Variants in KANSL1 observed in about 807,000 individuals in gnomAD.
The protein encoded by KANSL1 is KAT8 regulatory NSL complex subunit 1.
A neutral mutation model predicts 103.6 loss-of-function variants in KANSL1; 22 were observed. The ratio of observed to expected loss-of-function variants is 0.21; its 90% CI spans 0.15 to 0.30. KANSL1 has a LOEUF of 0.30. Ranked by LOEUF, KANSL1 falls within the 10% of genes least tolerant of loss-of-function variation. KANSL1 has a pLI of 1.00. For missense variants in KANSL1, 1,337 were observed against 1,399.8 expected (o/e 0.96, Z 0.72); for synonymous variants, 600 against 527.6 (o/e 1.14, Z -1.88).
chr17:46,186,960 T>C (rs2047065230), intron 1 of KANSL1, among the ~76,000 whole-genome samples: 1 of 152,096 alleles, frequency 6.6e-6, no homozygotes, highest in Admixed American at 6.5e-5. Context: ...GGTCTCAAAC[T>C]CCTGACCTCA....
At chr17:46,181,970 T>C (rs533029080) in intron 1 of KANSL1, among the ~76,000 whole-genome samples, 62 of 152,210 alleles carry the variant, frequency 4.1e-4, no homozygotes, top group Non-Finnish European at 8.1e-4. Context: ...TTCATATCAC[T>C]TTCTTCCTGC....
rs57566816 is a variant in KANSL1 at position 46,189,031 on chromosome 17, C to CAAAAAAAAAAAAAAAAAAAAAA, written c.-90+3770_-90+3791dup. On this transcript the variant is annotated intron_variant, in intron 1 of 14. Transcript: ENST00000432791. ...CTGGGCAACAGAGCAAAGATTGTCTCAAAAAAAAAAAAAAAAAAAAAAAAA... is the reference window on the plus strand; with the variant it reads ...CTGGGCAACAGAGCAAAGATTGTCTCAAAAAAAAAAAAAAAAAAAAAAAAAAAAAAAAAAAAAAAAAAAAAAA... 1.3e-4 allele frequency among the ~76,000 whole-genome samples: 8 copies of CAAAAAAAAAAAAAAAAAAAAAA among 62,382 alleles called. 1 individual carries two copies. The highest frequency in any genetic ancestry group is 3.0e-4 in the African/African-American group (3 of 10,120). 40.9% of individuals were successfully genotyped at this position (62,382 alleles called of 152,430 possible). A position where few individuals can be genotyped will look rare whatever the true frequency, so the allele number is the denominator to read the frequency against.
intron 6 of KANSL1, among the ~76,000 whole-genome samples, chr17:46,057,082 A>G (rs2077959283): frequency 6.6e-6 from 1 of 152,220 alleles, no homozygotes; most frequent in Non-Finnish European, 1.5e-5. Context: ...GTCACAGTAA[A>G]CATAAGACTC....
rs376923721 is a variant in KANSL1, at chr17:46,038,736, G to A, written c.2393-50C>T. 1.3e-5 allele frequency: 21 copies of A among 1,605,730 alleles called. No homozygotes were observed. In the East Asian group the frequency reaches 1.6e-4, roughly 12 times the overall value. ...GAAATACATGGCTATCTTAACCAGCGTTACTTCTAACACAAGCTTGGAATG... is the reference window on the plus strand; with the variant it reads ...GAAATACATGGCTATCTTAACCAGCATTACTTCTAACACAAGCTTGGAATG... On this transcript the variant is annotated intron_variant, in intron 9 of 14. Transcript: ENST00000432791.
rs114516555 is a variant in KANSL1 at position 46,047,732 on chromosome 17, G to A, written c.2020+2801C>T. 6.2e-3 allele frequency among the ~76,000 whole-genome samples: 932 copies of A among 150,196 alleles called. 13 individuals are homozygous for A. Among genetic ancestry groups the A allele is most frequent in the African/African-American group, 0.019 (791 of 40,796 alleles). On this transcript the variant is annotated intron_variant, in intron 7 of 14. Coordinates refer to ENST00000432791, the MANE Select transcript of KANSL1 (RefSeq NM_015443.4). ...GAGCCCAGGAAGTCAAGGTTGCAGT[G>A]AGCTGTGATCACTCCACTGAACTCC...
intron 6 of KANSL1, among the ~76,000 whole-genome samples, chr17:46,052,029 T>C (rs1462810738): frequency 1.4e-5 from 2 of 147,016 alleles, no homozygotes; most frequent in African/African-American, 4.9e-5. Context: ...GGTATTGTTT[T>C]GGGAAAAAAA....
chr17:46,213,120 T>C (rs565372666), intron 1 of KANSL1, among the ~76,000 whole-genome samples: 1 of 148,454 alleles, frequency 6.7e-6, no homozygotes, highest in Admixed American at 6.8e-5. Flanking sequence ...CACCATCAAG[T>C]GCCCAGTAAA....
chr17:46,135,219 G>A (rs1353092416), intron 2 of KANSL1, among the ~76,000 whole-genome samples: 1 of 151,676 alleles, frequency 6.6e-6, no homozygotes, highest in Non-Finnish European at 1.5e-5. Context: ...GAAATAATAT[G>A]TTGTACAGAA....
intron 6 of KANSL1, among the ~76,000 whole-genome samples, chr17:46,058,665 T>C (rs1274647467): frequency 1.3e-5 from 2 of 150,764 alleles, no homozygotes; most frequent in African/African-American, 2.5e-5. Context: ...TATGGATAGC[T>C]TGTATCAAAC....
chr17:46,224,705 AG>A (rs1333578342), upstream of KANSL1: 1 of 146,712 alleles, frequency 6.8e-6, no homozygotes, highest in African/African-American at 2.5e-5. Context: ...CGGACTTCAG[AG>A]CCCCACAGGG....
At chr17:46,079,775 G>C (rs975706636) in intron 4 of KANSL1, among the ~76,000 whole-genome samples, 2 of 152,160 alleles carry the variant, frequency 1.3e-5, no homozygotes, top group African/African-American at 4.8e-5. Flanking sequence ...TGAGGAGTTT[G>C]AGACCAGCCT....
In KANSL1 at chr17:46,032,228, G is replaced by A; in HGVS notation, c.2909C>T (p.Ala970Val). Residue 970 changes from alanine to valine, a missense_variant, in exon 14 of 15, where the codon GCC becomes GTC. Physicochemically the swap from Ala to Val is moderately conservative, Grantham distance 64. Transcript: ENST00000432791. ...GTGGCTACTGCTGACATCAGGGGAG[G>A]CAGGCTGGGGGGTGGAGGGGTTGGC... The part of the protein sequence containing the change: ...GSANPSTPQP[A>V]SPDVSSSHSL... 6.3e-7 allele frequency: 1 copy of A among 1,582,512 alleles called. No individual in the cohort carries two copies. The highest frequency in any genetic ancestry group is 8.6e-7 in the Non-Finnish European group (1 of 1,161,198).
intron 4 of KANSL1, 81 bp downstream of exon 4, chr17:46,082,360 C>T: frequency 1.2e-6 from 1 of 828,402 alleles, no homozygotes; most frequent in South Asian, 1.6e-5. Flanking sequence ...TGCAAGGATC[C>T]TAGTTACAGA....
At chr17:46,139,882 G>A (rs1186979499) in intron 2 of KANSL1, among the ~76,000 whole-genome samples, 1 of 152,054 alleles carries the variant, frequency 6.6e-6, no homozygotes, top group Non-Finnish European at 1.5e-5. Context: ...GAGAGGGAAG[G>A]GAAAAGGCAA....
chr17:46,088,193 ACCT>A (rs1404639707), intron 3 of KANSL1, among the ~76,000 whole-genome samples: 1 of 152,112 alleles, frequency 6.6e-6, no homozygotes, highest in East Asian at 1.9e-4. Context: ...CAGCCTTAAT[ACCT>A]CCTAAGTGAC....
At chr17:46,086,279 G>C (rs1291191416) in intron 3 of KANSL1, among the ~76,000 whole-genome samples, 1 of 152,248 alleles carries the variant, frequency 6.6e-6, no homozygotes, top group Non-Finnish European at 1.5e-5. Context: ...TCTCCTAAGA[G>C]AGTATAATAA....
At chr17:46,168,333 G>C (rs2046108976) in intron 2 of KANSL1, among the ~76,000 whole-genome samples, 1 of 152,046 alleles carries the variant, frequency 6.6e-6, no homozygotes, top group African/African-American at 2.4e-5. Flanking sequence ...CTTTACTGGT[G>C]GTTTTAGTTT....
Position 46,039,162 on chromosome 17 carries a change from C to T in KANSL1, c.2257G>A (p.Asp753Asn), listed in dbSNP as rs2077238693. 4 of 1,609,196 alleles carry T rather than the reference C, an allele frequency of 2.5e-6. No individual in the cohort carries two copies. Among genetic ancestry groups the T allele is most frequent in the Non-Finnish European group, 3.4e-6 (4 of 1,178,520 alleles). ...TCCACCATGGGCACGGCCCCCACAT[C>T]GTCTAAGTGCTGCCTGTGGGTCCTG... ...PDRTHRQHLD[D>N]VGAVPMVERV... is the part of the protein sequence containing the mutation. The change falls in exon 9 of 15, where the codon GAT becomes AAT. Residue 753 changes from aspartate (D) to asparagine (N), a missense_variant. This residue lies in a region of KANSL1 where 780 missense variants were observed against 923.4 expected (regional missense o/e 0.84). Coordinates refer to ENST00000432791, the MANE Select transcript of KANSL1 (RefSeq NM_015443.4).
intron 2 of KANSL1, among the ~76,000 whole-genome samples, chr17:46,125,559 C>T (rs1275855570): frequency 6.6e-6 from 1 of 152,188 alleles, no homozygotes; most frequent in Admixed American, 6.5e-5. Flanking sequence ...GGGGGTACCA[C>T]TCCCAAGACC....
Sources: gnomAD v4.1 joint callset for allele counts (sites outside exome capture counted in the v4.1 genomes callset) on GRCh38, gnomAD v4.1.1 for gene constraint, gnomAD v4.1.1 regional missense constraint, MANE v1.5 for transcripts, NCBI Gene and HGNC (gene_info 2026-07-23, HGNC 2026-07-21) for gene names.